SLC1A2: variants seen among roughly 807,000 people sequenced by gnomAD.
SLC1A2 encodes excitatory amino acid transporter 2.
SLC1A2 carries 15 observed loss-of-function variants against 48.8 expected under a neutral mutation model. That is an observed-to-expected ratio of 0.31 (90% CI 0.21 to 0.47). SLC1A2 has a LOEUF of 0.47. Ranked by LOEUF, SLC1A2 falls within the 20% of genes least tolerant of loss-of-function variation. The pLI, the probability that SLC1A2 is intolerant of heterozygous loss-of-function variation, is 0.99. For synonymous variants in SLC1A2, 279 were observed against 272.6 expected (o/e 1.02, Z -0.23); for missense variants, 502 against 730.5 (o/e 0.69, Z 3.61).
intron 1 of SLC1A2, among the ~76,000 whole-genome samples, chr11:35,384,626 A>T (rs1166624753): frequency 6.6e-6 from 1 of 152,242 alleles, no homozygotes; most frequent in Non-Finnish European, 1.5e-5. Flanking sequence ...TGCTTGTTGA[A>T]GTTACCTATG....
intron 1 of SLC1A2, chr11:35,374,225 ATT>A: frequency 1.5e-6 from 1 of 652,778 alleles, no homozygotes. Context: ...GCTTTGAATG[ATT>A]TATAGCTAAG....
At chr11:35,298,446 AG>A (rs1189871368) in intron 6 of SLC1A2, 1 of 152,184 alleles carries the variant, frequency 6.6e-6, no homozygotes, top group Non-Finnish European at 1.5e-5. Context: ...TTAAGCTTTG[AG>A]GGGTCAGTTA....
chr11:35,338,832 A>T (rs1191106216), intron 1 of SLC1A2, among the ~76,000 whole-genome samples: 1 of 152,190 alleles, frequency 6.6e-6, no homozygotes, highest in Non-Finnish European at 1.5e-5. Context: ...AATAGACACA[A>T]TTACTTTACC....
intron 3 of SLC1A2, among the ~76,000 whole-genome samples, chr11:35,314,705 T>G (rs1426997779): frequency 7.1e-6 from 1 of 140,406 alleles, no homozygotes; most frequent in South Asian, 2.2e-4. Flanking sequence ...AGAGGGAGAC[T>G]CCATCTCAAA....
rs1208998645 is a variant in SLC1A2 at position 35,317,405 on chromosome 11, C to T, written c.129G>A (p.Lys43=). 3.7e-6 allele frequency: 6 copies of T among 1,613,988 alleles called. No homozygotes were observed. Among genetic ancestry groups the T allele is most frequent in the Non-Finnish European group, 4.2e-6 (5 of 1,179,962 alleles). Residue 43 remains lysine (K), a synonymous_variant, in exon 2 of 11, where the codon AAG becomes AAA. Coordinates refer to ENST00000278379, the MANE Select transcript of SLC1A2 (RefSeq NM_004171.4). ...LGLRLCDKLG[K]NLLLTLTVFG... is the part of the protein sequence containing the mutation. Reference sequence around the variant, plus strand: ...ACACCGTCAGGGTGAGCAGCAGATTCTTCCCCAGCTTGTCACACAGGCGCA... The same window carrying T: ...ACACCGTCAGGGTGAGCAGCAGATTTTTCCCCAGCTTGTCACACAGGCGCA...
chr11:35,304,808 A>G (rs1851455362), intron 5 of SLC1A2, among the ~76,000 whole-genome samples: 1 of 152,050 alleles, frequency 6.6e-6, no homozygotes, highest in African/African-American at 2.4e-5. Flanking sequence ...GTAAAAAATG[A>G]ATACTTTTTT....
chr11:35,395,682 T>C (rs895448447), intron 1 of SLC1A2, among the ~76,000 whole-genome samples: 4 of 152,010 alleles, frequency 2.6e-5, no homozygotes, highest in African/African-American at 9.7e-5. Context: ...TTTTTTTTTT[T>C]TTTTTAATTA....
In SLC1A2 at chr11:35,260,534, G is replaced by A. The variant is rs543241549; in HGVS notation, c.*360C>T. The A allele has an allele frequency of 4.3e-6, 1 of 231,798 alleles. No individual in the cohort carries two copies. Among genetic ancestry groups the A allele is most frequent in the South Asian group, 6.5e-5 (1 of 15,354 alleles). 14.4% of individuals were successfully genotyped at this position (231,798 alleles called of 1,614,324 possible). A position where few individuals can be genotyped will look rare whatever the true frequency, so the allele number is the denominator to read the frequency against. ...TTGCTCATTTTCCCAAGTCCCTGGA[G>A]TGTACCACACTGCTTTACTCATGTC... On this transcript the variant is annotated 3_prime_UTR_variant, in exon 11 of 11. Coordinates refer to ENST00000278379, the MANE Select transcript of SLC1A2 (RefSeq NM_004171.4).
Position 35,280,902 on chromosome 11 carries a change from C to T in SLC1A2, c.1386G>A (p.Glu462=), listed in dbSNP as rs1299057103. The T allele has an allele frequency of 3.1e-6, 5 of 1,612,942 alleles. No individual in the cohort carries two copies. The highest frequency in any genetic ancestry group is 3.4e-4 in the Middle Eastern group (2 of 5,964). ...LILTAVGLPT[E]DISLLVAVDW... The stretch of plus-strand genomic sequence containing the variant: ...CCACAGCCACCAGCAGGCTGATGTC[C>T]TCTGTTGGCAGGCCCACGGCTGTCA... Residue 462 remains glutamate, a synonymous_variant, in exon 9 of 11, where the codon GAG becomes GAA. Transcript: ENST00000278379.
intron 1 of SLC1A2, among the ~76,000 whole-genome samples, chr11:35,384,308 A>T (rs1854521311): frequency 6.6e-6 from 1 of 152,208 alleles, no homozygotes; most frequent in African/African-American, 2.4e-5. Context: ...ATTTTAACTG[A>T]AAGTACAGAT....
At position 35,256,209 on chromosome 11, in the gene SLC1A2, C is replaced by T. The variant is rs1245978481; in HGVS notation, c.*4685G>A. On this transcript the variant is annotated 3_prime_UTR_variant, in exon 11 of 11. Transcript: ENST00000278379. Reference sequence around the variant, plus strand: ...TCTACCAAACCATGTTGTTTCTTATCATCTCTATGTCATTGCCTGAATTAG... The same window carrying T: ...TCTACCAAACCATGTTGTTTCTTATTATCTCTATGTCATTGCCTGAATTAG... 1.3e-5 allele frequency: 2 copies of T among 152,204 alleles called. No homozygotes were observed. Among genetic ancestry groups the T allele is most frequent in the East Asian group, 1.9e-4 (1 of 5,206 alleles). 9.4% of individuals were successfully genotyped at this position (152,204 alleles called of 1,614,324 possible).
chr11:35,388,586 A>C (rs983405646), intron 1 of SLC1A2, among the ~76,000 whole-genome samples: 3 of 152,096 alleles, frequency 2.0e-5, no homozygotes, highest in African/African-American at 7.2e-5. Context: ...ATAGAGACAA[A>C]GTCTCCCTAT....
chr11:35,397,915 C>A (rs1457455560), intron 1 of SLC1A2, among the ~76,000 whole-genome samples: 1 of 152,154 alleles, frequency 6.6e-6, no homozygotes, highest in East Asian at 1.9e-4. Context: ...TGTGTGACAC[C>A]AACCCAAACA....
rs12796282 is a variant in SLC1A2, at chr11:35,278,274, T to G, written c.1421+2593A>C. ...CACTTCTTACTTCTGTTTTTTTTTG[T>G]TTTTTTTTTTTTTTTTTTTAGATGG... On this transcript the variant is annotated intron_variant, in intron 9 of 10. Transcript: ENST00000278379. Among the ~76,000 whole-genome samples the G allele has an allele frequency of 9.6e-3, 111 of 11,594 alleles. 1 individual carries two copies. Among genetic ancestry groups the G allele is most frequent in the African/African-American group, 0.065 (102 of 1,574 alleles). 7.6% of individuals were successfully genotyped at this position (11,594 alleles called of 152,430 possible).
At chr11:35,283,358 C>A (rs1445735271) in intron 8 of SLC1A2, among the ~76,000 whole-genome samples, 1 of 152,206 alleles carries the variant, frequency 6.6e-6, no homozygotes, top group African/African-American at 2.4e-5. Context: ...TTCCTCCAAA[C>A]AAACTGCAGG....
chr11:35,352,317 G>A (rs910588177), intron 1 of SLC1A2: 8 of 152,226 alleles, frequency 5.3e-5, no homozygotes, highest in African/African-American at 1.9e-4. Flanking sequence ...AGTGAAGAAT[G>A]TCAGTGTTGG....
At chr11:35,261,825 G>T (rs1183167139) in intron 10 of SLC1A2, 2 of 397,898 alleles carry the variant, frequency 5.0e-6, no homozygotes, top group Non-Finnish European at 8.9e-6. Flanking sequence ...TTACCCAAGT[G>T]GAAGTGAAAT....
At chr11:35,362,855 C>T (rs1853727106) in intron 1 of SLC1A2, among the ~76,000 whole-genome samples, 1 of 152,224 alleles carries the variant, frequency 6.6e-6, no homozygotes, top group South Asian at 2.1e-4. Flanking sequence ...TCTACTCCCC[C>T]TTTTGGTGAC....
chr11:35,279,608 A>G (rs1252385732), intron 9 of SLC1A2, among the ~76,000 whole-genome samples: 1 of 152,182 alleles, frequency 6.6e-6, no homozygotes, highest in Non-Finnish European at 1.5e-5. Context: ...CCTATTGGTT[A>G]TGATTCAGCT....
Sources: allele counts gnomAD v4.1 joint callset (sites outside exome capture counted in the v4.1 genomes callset), GRCh38; gene constraint gnomAD v4.1.1; transcripts MANE v1.5; gene names NCBI Gene and HGNC (gene_info 2026-07-23, HGNC 2026-07-21).